The following SNX20 variants were observed in gnomAD, a reference collection of about 807,000 sequenced individuals.
SNX20 encodes sorting nexin-20.
A neutral mutation model predicts 24.5 loss-of-function variants in SNX20; 21 were observed. The ratio of observed to expected loss-of-function variants is 0.86; its 90% CI spans 0.61 to 1.23. The LOEUF is 1.23. Among genes scored for constraint, SNX20 ranks in the 50% most tolerant of loss-of-function variants. SNX20 has a pLI of 0.00. For synonymous variants in SNX20, 206 were observed against 192.8 expected, an observed-to-expected ratio of 1.07 and a Z score of -0.57; for missense variants, 433 against 430.8, an observed-to-expected ratio of 1.00 and a Z score of -0.04.
At chr16:50,667,974 C>T (rs1440398286), downstream of SNX20, 14 of 1,543,830 alleles carry the variant, frequency 9.1e-6, no homozygotes, top group Admixed American at 3.9e-5. Context: ...CTTCAGGCTT[C>T]GACCAGCCCA....
At chr16:50,679,553 TC>T (rs1448801715) in intron 1 of SNX20, among the ~76,000 whole-genome samples, 1 of 152,198 alleles carries the variant, frequency 6.6e-6, no homozygotes, top group Non-Finnish European at 1.5e-5. Flanking sequence ...GGCTGCACGT[TC>T]TTGAGCATGC....
At chr16:50,667,033 T>C (rs1176404921), downstream of SNX20, 2 of 152,198 alleles carry the variant, frequency 1.3e-5, no homozygotes, top group African/African-American at 4.8e-5. Context: ...TTACAGATAA[T>C]AAATTCCTTC....
chr16:50,675,390 G>T (rs1963157866), intron 3 of SNX20, among the ~76,000 whole-genome samples: 1 of 152,058 alleles, frequency 6.6e-6, no homozygotes, highest in Admixed American at 6.5e-5. Flanking sequence ...ATTTCTCTTT[G>T]AAATAAATGT....
intron 1 of SNX20, 84 bp from the exon 2 acceptor site, chr16:50,677,619 G>A: frequency 1.5e-6 from 2 of 1,312,042 alleles, no homozygotes; most frequent in East Asian, 5.5e-5. Context: ...GCTGTGTCAT[G>A]CCCCCTCCTG....
At chr16:50,667,992 C>G (rs141796154), downstream of SNX20, 18 of 1,550,572 alleles carry the variant, frequency 1.2e-5, no homozygotes, top group Non-Finnish European at 1.5e-5. Context: ...CCAGAACGCT[C>G]GCTCCATCTG....
Position 50,677,496 on chromosome 16 carries a change from C to T in SNX20, c.31G>A (p.Gly11Ser). 6.2e-7 allele frequency: 1 copy of T among 1,602,230 alleles called. No individual in the cohort carries two copies. Among genetic ancestry groups the T allele is most frequent in the Non-Finnish European group, 8.5e-7 (1 of 1,173,912 alleles). The change falls in exon 2 of 4, where the codon GGC (glycine) becomes AGC (serine). Residue 11 changes from glycine (G) to serine (S), a missense_variant. Gly to Ser is a moderately conservative substitution (Grantham distance 56). Coordinates refer to ENST00000330943, the MANE Select transcript of SNX20 (RefSeq NM_182854.4). MASPEHPGSP[G>S]CMGPITQCTA... ...CACTGGGTTATGGGTCCCATGCAGC[C>T]AGGGCTCCCAGGGTGCTCTGGACTT...
intron 1 of SNX20, among the ~76,000 whole-genome samples, chr16:50,679,185 G>A (rs1963244380): frequency 6.6e-6 from 1 of 152,148 alleles, no homozygotes; most frequent in Admixed American, 6.5e-5. Context: ...TTGGATTCTG[G>A]GCTCTTGGTC....
chr16:50,675,475 T>C (rs1963159691), intron 3 of SNX20, among the ~76,000 whole-genome samples: 1 of 152,224 alleles, frequency 6.6e-6, no homozygotes, highest in African/African-American at 2.4e-5. Flanking sequence ...TACAGTGATA[T>C]GGCAAAATTG....
At chr16:50,680,623 C>A (rs190852381) in intron 1 of SNX20, among the ~76,000 whole-genome samples, 1 of 152,130 alleles carries the variant, frequency 6.6e-6, no homozygotes. Context: ...AGCACATGGC[C>A]CACGCTGGGA....
At position 50,675,842 on chromosome 16, in the gene SNX20, G is replaced by C; in HGVS notation, c.210C>G (p.Arg70=). ...CAAAGAGCAGTTTGACGTGCTTCCA[G>C]CGGCATTTCTGGTTCTGCCAGTACT... ...LQQYWQNQKC[R]WKHVKLLFEI... The change falls in exon 3 of 4, where the codon CGC becomes CGG. Residue 70 remains arginine, a synonymous_variant. Transcript: ENST00000330943. 6.2e-7 allele frequency: 1 copy of C among 1,613,704 alleles called. No homozygotes were observed. Among genetic ancestry groups the C allele is most frequent in the Non-Finnish European group, 8.5e-7 (1 of 1,179,836 alleles).
chr16:50,669,054 C>T (rs369390075), downstream of SNX20: 2 of 1,551,784 alleles, frequency 1.3e-6, no homozygotes, highest in African/African-American at 2.7e-5. Flanking sequence ...GAGCATGTCA[C>T]TTTGACGTGG....
rs373649207 is a variant in SNX20 at position 50,673,085 on chromosome 16, T to G, written c.*321A>C. 5 of 208,650 alleles carry G rather than the reference T, an allele frequency of 2.4e-5. No individual in the cohort carries two copies. The highest frequency in any genetic ancestry group is 1.0e-4 in the East Asian group (1 of 9,550). The allele number at this position is 208,650 out of a possible 1,614,324, so 12.9% of individuals were successfully genotyped here. A position where few individuals can be genotyped will look rare whatever the true frequency, so the allele number is the denominator to read the frequency against. ...TGGGAAGCTGAGGCAGGAAGATCAT[T>G]TAAGGTCAGAAGTTAGAGACCAGCC... On this transcript the variant is annotated 3_prime_UTR_variant, in exon 4 of 4. Coordinates refer to ENST00000330943, the MANE Select transcript of SNX20 (RefSeq NM_182854.4). The surrounding 1 kb of genome is among the most constrained non-coding windows in gnomAD (Gnocchi z 4.1).
At chr16:50,667,089 C>T (rs1382263527), downstream of SNX20, 2 of 152,238 alleles carry the variant, frequency 1.3e-5, no homozygotes, top group Non-Finnish European at 2.9e-5. Flanking sequence ...CCAAAAGGGT[C>T]TGCACGGCCC....
chr16:50,674,225 GTTTGTTTATTTATTTA>G lies in SNX20; in HGVS notation c.283-167_283-152del, dbSNP rs1467776366. On this transcript the variant is annotated intron_variant, in intron 3 of 3. Coordinates refer to ENST00000330943, the MANE Select transcript of SNX20 (RefSeq NM_182854.4). ...CAATTGTTTGTTTGTTTGTTTGTTT[GTTTGTTTATTTATTTA>G]TTTATTTATTTATTTATTTATTTTT... is the stretch of plus-strand genomic sequence containing the variant. 2,888 of 885,354 alleles carry G rather than the reference GTTTGTTTATTTATTTA, an allele frequency of 3.3e-3. 102 individuals carry two copies. The African/African-American group carries it at 0.055, about 17-fold the overall frequency. The allele number at this position is 885,354 out of a possible 1,614,324, so 54.8% of individuals were successfully genotyped here. A position where few individuals can be genotyped will look rare whatever the true frequency, so the allele number is the denominator to read the frequency against.
At chr16:50,675,477 G>T (rs1053093496) in intron 3 of SNX20, among the ~76,000 whole-genome samples, 1 of 152,178 alleles carries the variant, frequency 6.6e-6, no homozygotes, top group Non-Finnish European at 1.5e-5. Context: ...CAGTGATATG[G>T]CAAAATTGGT....
In SNX20 at chr16:50,673,758, T is replaced by C. The variant is rs1300619406; in HGVS notation, c.599A>G (p.Gln200Arg). The change falls in exon 4 of 4, where the codon CAG becomes CGG. Residue 200 changes from glutamine to arginine, a missense_variant. Gln to Arg is a conservative substitution (Grantham distance 43). Transcript: ENST00000330943. The surrounding 1 kb of genome is among the most constrained non-coding windows in gnomAD (Gnocchi z 4.1). The part of the protein sequence containing the change: ...REAFGCLRAG[Q>R]YPRALELLLR... ...CAGCAGCTCCAGGGCGCGCGGGTAC[T>C]GGCCGGCCCGCAGGCAGCCGAAAGC... 7 of 1,521,478 alleles carry C rather than the reference T, an allele frequency of 4.6e-6. No homozygotes were observed. The highest frequency in any genetic ancestry group is 6.1e-6 in the Non-Finnish European group (7 of 1,141,124). The allele number at this position is 1,521,478 out of a possible 1,614,324, so 94.2% of individuals were successfully genotyped here. A position where few individuals can be genotyped will look rare whatever the true frequency, so the allele number is the denominator to read the frequency against.
chr16:50,671,124 TG>T (rs1963041180), downstream of SNX20: 1 of 122,300 alleles, frequency 8.2e-6, no homozygotes, highest in Non-Finnish European at 1.6e-5. Flanking sequence ...GATTTTGAGA[TG>T]ACTTTTTTTT....
At chr16:50,679,341 C>T (rs1036164484) in intron 1 of SNX20, among the ~76,000 whole-genome samples, 1 of 152,198 alleles carries the variant, frequency 6.6e-6, no homozygotes, top group Non-Finnish European at 1.5e-5. Context: ...AGCCGCTGGC[C>T]TGGGAGAGGG....
At chr16:50,674,871 A>C (rs1963147526) in intron 3 of SNX20, among the ~76,000 whole-genome samples, 1 of 152,224 alleles carries the variant, frequency 6.6e-6, no homozygotes, top group African/African-American at 2.4e-5. Context: ...TTATATATTA[A>C]GGGCAATTAT....
Sources: allele counts gnomAD v4.1 joint callset (sites outside exome capture counted in the v4.1 genomes callset), GRCh38; gene constraint gnomAD v4.1.1; non-coding constraint Gnocchi (gnomAD v3.1); transcripts MANE v1.5; gene names NCBI Gene and HGNC (gene_info 2026-07-23, HGNC 2026-07-21).